The following CNOT6L variants were observed in gnomAD, a reference collection of about 807,000 sequenced individuals.
CNOT6L encodes the protein CCR4-NOT transcription complex subunit 6-like.
In CNOT6L, 7 loss-of-function variants were observed where a neutral mutation model predicts 64.0. That is an observed-to-expected ratio of 0.11 (90% CI 0.06 to 0.21). CNOT6L has a LOEUF of 0.21. Ranked by LOEUF, CNOT6L falls within the 10% of genes least tolerant of loss-of-function variation. CNOT6L has a pLI of 1.00. For synonymous variants in CNOT6L, 193 were observed against 243.4 expected (o/e 0.79, Z 1.93); for missense variants, 245 against 669.0 (o/e 0.37, Z 6.99).
intron 8 of CNOT6L, among the ~76,000 whole-genome samples, chr4:77,740,000 T>C (rs1723397025): frequency 6.7e-6 from 1 of 148,632 alleles, no homozygotes; most frequent in South Asian, 2.2e-4. Context: ...AAGAGCCTGA[T>C]GTTAGATGTC....
intron 5 of CNOT6L, among the ~76,000 whole-genome samples, chr4:77,749,357 A>T (rs1245307212): frequency 1.3e-5 from 2 of 152,190 alleles, no homozygotes; most frequent in East Asian, 3.8e-4. Context: ...TGAATCCCAG[A>T]AAACAATCTT....
rs993072602 is a variant in CNOT6L, at chr4:77,715,769, C to T, written c.*4662G>A. The T allele has an allele frequency of 2.6e-5, 4 of 152,296 alleles. No individual in the cohort carries two copies. The highest frequency in any genetic ancestry group is 1.3e-4 in the Admixed American group (2 of 15,224). The allele number at this position is 152,296 out of a possible 1,614,324, so 9.4% of individuals were successfully genotyped here. ...ATATATGGGCTGCTTCTTTTTTACCCTCAAGCTTTTAGGTGACACTTATAA... is the reference window on the plus strand; with the variant it reads ...ATATATGGGCTGCTTCTTTTTTACCTTCAAGCTTTTAGGTGACACTTATAA... On this transcript the variant is annotated 3_prime_UTR_variant, in exon 12 of 12. Transcript: ENST00000504123.
intron 5 of CNOT6L, among the ~76,000 whole-genome samples, chr4:77,748,792 C>T (rs916509308): frequency 4.1e-4 from 62 of 152,172 alleles, no homozygotes; most frequent in African/African-American, 1.4e-3. Context: ...GAAAAAAGTA[C>T]ATATGGATGT....
chr4:77,791,115 T>A (rs961486240), intron 1 of CNOT6L, among the ~76,000 whole-genome samples: 5 of 151,892 alleles, frequency 3.3e-5, no homozygotes, highest in African/African-American at 1.2e-4. Context: ...CCGTCTATAC[T>A]GAAAATAAAA....
At chr4:77,806,416 ACT>A (rs1672248156) in intron 1 of CNOT6L, among the ~76,000 whole-genome samples, 1 of 151,010 alleles carries the variant, frequency 6.6e-6, no homozygotes, top group Admixed American at 6.6e-5. Context: ...CAAGAGCAAA[ACT>A]CTGTCTCAAA....
chr4:77,754,887 G>GAAAAAAAAAAAAAA (rs1725286474), intron 5 of CNOT6L, among the ~76,000 whole-genome samples: 2 of 12,300 alleles, frequency 1.6e-4, no homozygotes, highest in African/African-American at 2.7e-4. Context: ...AACATTAGAA[G>GAAAAAAAAAAAAAA]TAAAAAAAAA....
At chr4:77,792,228 T>G (rs532545717) in intron 1 of CNOT6L, among the ~76,000 whole-genome samples, 1 of 152,110 alleles carries the variant, frequency 6.6e-6, no homozygotes, top group Non-Finnish European at 1.5e-5. Flanking sequence ...TAAAAAAGTA[T>G]AGATTTGGGT....
chr4:77,815,064 C>T (rs1733405277), intron 1 of CNOT6L, among the ~76,000 whole-genome samples: 1 of 152,234 alleles, frequency 6.6e-6, no homozygotes, highest in South Asian at 2.1e-4. Flanking sequence ...CAGCAACAAA[C>T]AAGAGAATAT....
chr4:77,747,163 TTAAC>T (rs1724288499), intron 6 of CNOT6L, among the ~76,000 whole-genome samples: 1 of 152,134 alleles, frequency 6.6e-6, no homozygotes, highest in Admixed American at 6.5e-5. Context: ...CCTTTAAAAA[TTAAC>T]TATCTCTTTT....
chr4:77,719,671 A>T lies in CNOT6L; in HGVS notation c.*760T>A, dbSNP rs1339799740. On this transcript the variant is annotated 3_prime_UTR_variant, in exon 12 of 12. Transcript: ENST00000504123. ...ATTTTCAAGGTATGTGGCAATACAG[A>T]TTACTTACTTTTTCTCTATAAATAA... 6.6e-6 allele frequency: 1 copy of T among 152,628 alleles called. No individual in the cohort carries two copies. Among genetic ancestry groups the T allele is most frequent in the Non-Finnish European group, 1.5e-5 (1 of 68,042 alleles). The allele number at this position is 152,628 out of a possible 1,614,324, so 9.5% of individuals were successfully genotyped here.
chr4:77,776,362 A>T lies in CNOT6L; in HGVS notation c.36T>A (p.Asp12Glu), dbSNP rs779617658. The T allele has an allele frequency of 2.5e-6, 4 of 1,608,018 alleles. No individual in the cohort carries two copies. Among genetic ancestry groups the T allele is most frequent in the Admixed American group, 3.4e-5 (2 of 59,596 alleles). The change falls in exon 2 of 12, where the codon GAT becomes GAA. Residue 12 changes from aspartate (D) to glutamate (E), a missense_variant. Physicochemically the swap from Asp to Glu is conservative, Grantham distance 45 (BLOSUM62 2). Coordinates refer to ENST00000504123, the MANE Select transcript of CNOT6L (RefSeq NM_144571.3). The part of the protein sequence containing the change: ...RLIGMPKEKY[D>E]PPDPRRIYTI... ...TATAAATTCTGCGAGGATCTGGAGG[A>T]TCATATTTTTCCTTTGGCATCCCTA...
chr4:77,801,182 A>G (rs917621687), intron 1 of CNOT6L, among the ~76,000 whole-genome samples: 2 of 152,216 alleles, frequency 1.3e-5, no homozygotes, highest in Non-Finnish European at 2.9e-5. Context: ...AGCAAAAACC[A>G]GCCACTGAAA....
intron 8 of CNOT6L, among the ~76,000 whole-genome samples, chr4:77,738,710 G>A (rs1413816720): frequency 3.1e-5 from 4 of 127,166 alleles, no homozygotes; most frequent in South Asian, 4.8e-4. Flanking sequence ...CCAAGATCAC[G>A]CCACTGCACT....
chr4:77,723,305 C>CT (rs759624431), intron 11 of CNOT6L, among the ~76,000 whole-genome samples: 4 of 152,154 alleles, frequency 2.6e-5, no homozygotes, highest in Non-Finnish European at 4.4e-5. Context: ...CTAAATAACT[C>CT]TTTTCTACAT....
At chr4:77,772,170 TAC>T (rs1219836754) in intron 4 of CNOT6L, among the ~76,000 whole-genome samples, 4 of 152,254 alleles carry the variant, frequency 2.6e-5, no homozygotes, top group Admixed American at 2.6e-4. Context: ...CTATTTTATC[TAC>T]CATGTCAAAA....
intron 9 of CNOT6L, among the ~76,000 whole-genome samples, chr4:77,729,833 T>C (rs1722247548): frequency 6.6e-6 from 1 of 152,142 alleles, no homozygotes; most frequent in South Asian, 2.1e-4. Context: ...GTAGATGGAA[T>C]ACATTAAGAT....
chr4:77,720,145 G>C lies in CNOT6L; in HGVS notation c.*286C>G. Reference sequence around the variant, plus strand: ...ATACACTGTTATTGGGCCTCAAATTGGTAATTTATCAATTTTGAATGCTGG... The same window carrying C: ...ATACACTGTTATTGGGCCTCAAATTCGTAATTTATCAATTTTGAATGCTGG... On this transcript the variant is annotated 3_prime_UTR_variant, in exon 12 of 12. Coordinates refer to ENST00000504123, the MANE Select transcript of CNOT6L (RefSeq NM_144571.3). The C allele has an allele frequency of 3.6e-6, 1 of 280,410 alleles. No homozygotes were observed. The highest frequency in any genetic ancestry group is 6.7e-6 in the Non-Finnish European group (1 of 149,346). 17.4% of individuals were successfully genotyped at this position (280,410 alleles called of 1,614,324 possible).
Position 77,716,237 on chromosome 4 carries a change from T to G in CNOT6L, c.*4194A>C, listed in dbSNP as rs1381921067. On this transcript the variant is annotated 3_prime_UTR_variant, in exon 12 of 12. Transcript: ENST00000504123. ...TGAAAATGTGCCATAAAGTCTTTGC[T>G]TGCTATAAAAACCATTATTTTCCAA... The G allele has an allele frequency of 3.9e-5, 6 of 152,134 alleles. No homozygotes were observed. Among genetic ancestry groups the G allele is most frequent in the Non-Finnish European group, 7.4e-5 (5 of 67,998 alleles). 9.4% of individuals were successfully genotyped at this position (152,134 alleles called of 1,614,324 possible).
At chr4:77,809,118 G>A (rs763765768) in intron 1 of CNOT6L, among the ~76,000 whole-genome samples, 12 of 152,014 alleles carry the variant, frequency 7.9e-5, no homozygotes, top group Non-Finnish European at 1.5e-4. Context: ...TATTACAGAT[G>A]AGAAAACTGA....
Sources: gnomAD v4.1 joint callset for allele counts (sites outside exome capture counted in the v4.1 genomes callset) on GRCh38, gnomAD v4.1.1 for gene constraint, MANE v1.5 for transcripts, NCBI Gene and HGNC (gene_info 2026-07-23, HGNC 2026-07-21) for gene names.